Variants in TNFRSF1B observed in about 807,000 individuals in gnomAD.
TNFRSF1B encodes the protein TNF receptor superfamily member 1B, also known as tumor necrosis factor receptor superfamily member 1B.
In TNFRSF1B, 19 loss-of-function variants were observed where a neutral mutation model predicts 44.6. The ratio of observed to expected loss-of-function variants is 0.43; its 90% CI spans 0.30 to 0.62. The LOEUF is 0.62. Among genes scored for constraint, TNFRSF1B ranks in the 20% least tolerant of loss-of-function variants. TNFRSF1B has a pLI of 0.16. For synonymous variants in TNFRSF1B, 252 were observed against 261.1 expected (o/e 0.97, Z 0.34); for missense variants, 541 against 619.9 (o/e 0.87, Z 1.35).
In TNFRSF1B at chr1:12,207,063, C is replaced by T. The variant is rs1388050749; in HGVS notation, c.*43C>T. ...GTGTCGTAGCCAAGGTGGGCTGAGCCCTGGCAGGATGACCCTGCGAAGGGG... is the reference window on the plus strand; with the variant it reads ...GTGTCGTAGCCAAGGTGGGCTGAGCTCTGGCAGGATGACCCTGCGAAGGGG... On this transcript the variant is annotated 3_prime_UTR_variant, in exon 10 of 10. Coordinates refer to ENST00000376259, the MANE Select transcript of TNFRSF1B (RefSeq NM_001066.3). 1 of 1,520,234 alleles carries T rather than the reference C, an allele frequency of 6.6e-7. No individual in the cohort carries two copies. Among genetic ancestry groups the T allele is most frequent in the South Asian group, 1.3e-5 (1 of 76,970 alleles). 94.2% of individuals were successfully genotyped at this position (1,520,234 alleles called of 1,614,324 possible). A position where few individuals can be genotyped will look rare whatever the true frequency, so the allele number is the denominator to read the frequency against.
In TNFRSF1B at chr1:12,192,452, T is replaced by G; in HGVS notation, c.479T>G (p.Val160Gly). 1 of 1,614,162 alleles carries G rather than the reference T, an allele frequency of 6.2e-7. No individual in the cohort carries two copies. Among genetic ancestry groups the G allele is most frequent in the Non-Finnish European group, 8.5e-7 (1 of 1,180,026 alleles). ...GAAGGAACTGAAACATCAGACGTGG[T>G]GTGCAAGCCCTGTGCCCCGGGGACG... The part of the protein sequence containing the change: ...ARPGTETSDV[V>G]CKPCAPGTFS... Residue 160 changes from valine to glycine, a missense_variant, in exon 5 of 10, where the codon GTG becomes GGG. Transcript: ENST00000376259.
intron 1 of TNFRSF1B, among the ~76,000 whole-genome samples, chr1:12,174,915 C>T (rs932720206): frequency 6.6e-6 from 1 of 152,232 alleles, no homozygotes; most frequent in African/African-American, 2.4e-5. Flanking sequence ...GCCACTCTGA[C>T]CGGAGACAGC....
intron 8 of TNFRSF1B, among the ~76,000 whole-genome samples, chr1:12,201,260 C>CAAAA (rs1177930307): frequency 2.2e-4 from 12 of 55,772 alleles, no homozygotes; most frequent in African/African-American, 5.8e-4. Context: ...GACCCTGTCT[C>CAAAA]AAAAAAAAAA....
At chr1:12,184,797 C>A (rs1570144715) in intron 1 of TNFRSF1B, among the ~76,000 whole-genome samples, 1 of 152,222 alleles carries the variant, frequency 6.6e-6, no homozygotes, top group African/African-American at 2.4e-5. Flanking sequence ...TTCTCAGGCC[C>A]TGGAGGAGTG....
At chr1:12,174,122 TTTCTTCTTCTTCTTCTTCTTCTTCTTC>T (rs541359943) in intron 1 of TNFRSF1B, among the ~76,000 whole-genome samples, 5 of 66,674 alleles carry the variant, frequency 7.5e-5, no homozygotes, top group African/African-American at 3.0e-4. Flanking sequence ...TGAGACTCCA[TTTCTTCTTCTTCTTCTTCTTCTTCTTC>T]TTCTTCTTCT....
intron 1 of TNFRSF1B, among the ~76,000 whole-genome samples, chr1:12,184,030 G>A (rs1557629635): frequency 6.6e-6 from 1 of 152,204 alleles, no homozygotes; most frequent in East Asian, 1.9e-4. Flanking sequence ...ACTGAATCAA[G>A]TACTATCCAA....
At position 12,170,472 on chromosome 1, in the gene TNFRSF1B, G is replaced by A. The variant is rs116605090; in HGVS notation, c.78+3303G>A. On this transcript the variant is annotated intron_variant, in intron 1 of 9. Coordinates refer to ENST00000376259, the MANE Select transcript of TNFRSF1B (RefSeq NM_001066.3). ...CCTGCCGGGCATTCTTACGTCAGAG[G>A]TGACCCTGCCATCCTGGCACCTGGC... Among the ~76,000 whole-genome samples the A allele has an allele frequency of 8.1e-3, 1,236 of 152,332 alleles. 9 individuals carry two copies. The highest frequency in any genetic ancestry group is 0.012 in the Non-Finnish European group (832 of 68,026).
chr1:12,167,257 T>C, intron 1 of TNFRSF1B, 88 bp downstream of exon 1: 1 of 1,023,518 alleles, frequency 9.8e-7, no homozygotes, highest in Non-Finnish European at 1.3e-6. Context: ...GGCCGCGCTC[T>C]CCCGGGGCGC....
chr1:12,178,061 T>G lies in TNFRSF1B; in HGVS notation c.79-10735T>G, dbSNP rs1461594005. ...GCGCTATGCCTACCTCACCCTCCAA[T>G]GAGGTGGTGGTGGAGGAGACCGTGA... On this transcript the variant is annotated intron_variant, in intron 1 of 9. Coordinates refer to ENST00000376259, the MANE Select transcript of TNFRSF1B (RefSeq NM_001066.3). The surrounding 1 kb of genome is among the most constrained non-coding windows in gnomAD (Gnocchi z 4.3). 1.3e-5 allele frequency among the ~76,000 whole-genome samples: 2 copies of G among 152,148 alleles called. No homozygotes were observed. The highest frequency in any genetic ancestry group is 3.8e-4 in the East Asian group (2 of 5,196).
At chr1:12,185,191 T>C (rs1448885449) in intron 1 of TNFRSF1B, among the ~76,000 whole-genome samples, 2 of 152,186 alleles carry the variant, frequency 1.3e-5, no homozygotes, top group African/African-American at 4.8e-5. Flanking sequence ...ATGCCGGGTC[T>C]CGGCCATGAG....
Position 12,199,713 on chromosome 1 carries a change from C to T in TNFRSF1B, c.901-2254C>T, listed in dbSNP as rs559022202. 3.3e-5 allele frequency among the ~76,000 whole-genome samples: 5 copies of T among 152,254 alleles called. No individual in the cohort carries two copies. The highest frequency in any genetic ancestry group is 2.1e-4 in the South Asian group (1 of 4,810). The stretch of plus-strand genomic sequence containing the variant: ...GGAGGTCTCAGCCTTTCTTGGGGGG[C>T]GGTGGCACCTGCGCTGCTCGCTCCA... On this transcript the variant is annotated intron_variant, in intron 8 of 9. Transcript: ENST00000376259. This position sits in a 1 kb window ranked among gnomAD's most constrained non-coding sequence, Gnocchi z 4.0.
chr1:12,185,107 C>T (rs1169207666), intron 1 of TNFRSF1B, among the ~76,000 whole-genome samples: 3 of 148,852 alleles, frequency 2.0e-5, no homozygotes, highest in East Asian at 1.9e-4. Context: ...AGTTAGTATT[C>T]GATGGAATGG....
At chr1:12,198,571 C>T (rs1265064522) in intron 8 of TNFRSF1B, among the ~76,000 whole-genome samples, 1 of 152,148 alleles carries the variant, frequency 6.6e-6, no homozygotes, top group African/African-American at 2.4e-5. Context: ...ACGGACACAG[C>T]AGGAACCTGG....
chr1:12,199,688 G>A lies in TNFRSF1B; in HGVS notation c.901-2279G>A, dbSNP rs980722331. On this transcript the variant is annotated intron_variant, in intron 8 of 9. Coordinates refer to ENST00000376259, the MANE Select transcript of TNFRSF1B (RefSeq NM_001066.3). The surrounding 1 kb of genome is among the most constrained non-coding windows in gnomAD (Gnocchi z 4.0). ...TTGTAGCTCCCTCTGGAGGGAGGCA[G>A]GAGGTCTCAGCCTTTCTTGGGGGGC... 2.0e-5 allele frequency among the ~76,000 whole-genome samples: 3 copies of A among 152,206 alleles called. No homozygotes were observed. The highest frequency in any genetic ancestry group is 4.4e-5 in the Non-Finnish European group (3 of 68,028).
chr1:12,179,110 T>G (rs899243901), intron 1 of TNFRSF1B, among the ~76,000 whole-genome samples: 2 of 152,098 alleles, frequency 1.3e-5, no homozygotes, highest in African/African-American at 2.4e-5. Flanking sequence ...CTTTGTACCC[T>G]GGCATTTAGC....
At position 12,190,458 on chromosome 1, in the gene TNFRSF1B, CA is replaced by C. The variant is rs4044499; in HGVS notation, c.179-477del. Among the ~76,000 whole-genome samples, 423 of 61,522 alleles carry C rather than the reference CA, an allele frequency of 6.9e-3. 1 individual carries two copies. The highest frequency in any genetic ancestry group is 0.034 in the Middle Eastern group (3 of 88). 40.4% of individuals were successfully genotyped at this position (61,522 alleles called of 152,430 possible). A position where few individuals can be genotyped will look rare whatever the true frequency, so the allele number is the denominator to read the frequency against. ...TGGGCCACAGAGTGAGATTCTGTCTCAAAAAAAAAAAAAAAAAAAAAAGCAG... is the reference window on the plus strand; with the variant it reads ...TGGGCCACAGAGTGAGATTCTGTCTCAAAAAAAAAAAAAAAAAAAAAGCAG... On this transcript the variant is annotated intron_variant, in intron 2 of 9. Coordinates refer to ENST00000376259, the MANE Select transcript of TNFRSF1B (RefSeq NM_001066.3).
intron 5 of TNFRSF1B, 87 bp from the exon 6 acceptor site, chr1:12,192,776 C>A: frequency 8.4e-7 from 1 of 1,193,748 alleles, no homozygotes; most frequent in Non-Finnish European, 1.2e-6. Flanking sequence ...ACTCTCCTAT[C>A]CTGCCTGCTG....
intron 1 of TNFRSF1B, among the ~76,000 whole-genome samples, chr1:12,176,915 T>A (rs547148679): frequency 6.6e-6 from 1 of 152,108 alleles, no homozygotes; most frequent in African/African-American, 2.4e-5. Context: ...GTGAGGAGCA[T>A]GCTCTCTCCA....
At chr1:12,172,454 G>A (rs1473230504) in intron 1 of TNFRSF1B, among the ~76,000 whole-genome samples, 1 of 152,252 alleles carries the variant, frequency 6.6e-6, no homozygotes, top group Non-Finnish European at 1.5e-5. Context: ...GGCATTGGCA[G>A]CTATTTGAGC....
Sources: gnomAD v4.1 joint callset for allele counts (sites outside exome capture counted in the v4.1 genomes callset) on GRCh38, gnomAD v4.1.1 for gene constraint, Gnocchi (gnomAD v3.1) non-coding constraint, MANE v1.5 for transcripts, NCBI Gene and HGNC (gene_info 2026-07-23, HGNC 2026-07-21) for gene names.